Variants in CHADL observed in about 807,000 individuals in gnomAD.
CHADL encodes chondroadherin-like protein.
Under a neutral mutation model 52.1 loss-of-function variants are expected in CHADL, and 48 were observed. The observed-to-expected ratio is 0.92, with a 90% CI of 0.73 to 1.17. The LOEUF (loss-of-function observed/expected upper bound fraction) is 1.17. CHADL is among the 50% of genes most tolerant of loss of function. CHADL has a pLI of 0.00. For missense variants in CHADL, 977 were observed against 1,035.1 expected (o/e 0.94, Z 0.77); for synonymous variants, 498 against 511.2 (o/e 0.97, Z 0.35).
At position 41,236,539 on chromosome 22, in the gene CHADL, T is replaced by C; in HGVS notation, c.2008A>G (p.Ile670Val). ...TGGAAGGGATTGCTGCTGAGGTCGA[T>C]GAGCTCCAGCTGGCTGAGACTGGGC... ...ALPSLSQLEL[I>V]DLSSNPFHCD... Residue 670 changes from isoleucine to valine, a missense_variant, in exon 4 of 6, where the codon ATC (isoleucine) becomes GTC (valine). Ile to Val is a conservative substitution (Grantham distance 29, BLOSUM62 3). Transcript: ENST00000216241. 2 of 1,551,392 alleles carry C rather than the reference T, an allele frequency of 1.3e-6. No individual in the cohort carries two copies. Among genetic ancestry groups the C allele is most frequent in the Non-Finnish European group, 1.7e-6 (2 of 1,146,918 alleles).
Position 41,238,107 on chromosome 22 carries a change from A to C in CHADL, c.965T>G (p.Leu322Arg). 1 of 1,321,736 alleles carries C rather than the reference A, an allele frequency of 7.6e-7. No individual in the cohort carries two copies. The highest frequency in any genetic ancestry group is 9.6e-7 in the Non-Finnish European group (1 of 1,042,830). The allele number at this position is 1,321,736 out of a possible 1,614,324, so 81.9% of individuals were successfully genotyped here. Residue 322 changes from leucine (L) to arginine (R), a missense_variant, in exon 3 of 6, where the codon CTC (leucine) becomes CGC (arginine). By Grantham distance (102) the Leu-to-Arg change is moderately radical. Coordinates refer to ENST00000216241, the MANE Select transcript of CHADL (RefSeq NM_138481.2). The surrounding 1 kb of genome is among the most constrained non-coding windows in gnomAD (Gnocchi z 4.9). The part of the protein sequence containing the change: ...LWCGCQARPL[L>R]EWLARARVRS... ...CACGCGCGCCCGCGCCAGCCACTCG[A>C]GTAGGGGCCGCGCCTGGCAGCCGCA...
rs750555751 is a variant in CHADL at position 41,239,608 on chromosome 22, G to A, written c.21C>T (p.Ser7=). 1.2e-5 allele frequency: 18 copies of A among 1,531,586 alleles called. No homozygotes were observed. In the South Asian group the frequency reaches 2.1e-4, roughly 18 times the overall value. 94.9% of individuals were successfully genotyped at this position (1,531,586 alleles called of 1,614,324 possible). Residue 7 remains serine, a synonymous_variant, in exon 2 of 6, where the codon TCC becomes TCT. Transcript: ENST00000216241. ...GCGGCAGCACCAAGGGGACATGGGT[G>A]GAGCTCCGGGGCCTGGGACGGGGAG... The part of the protein sequence containing the change: MEGPRS[S]THVPLVLPLL...
chr22:41,236,730 C>T (rs2032747971), intron 3 of CHADL, 80 bp from the exon 4 acceptor site: 1 of 1,359,008 alleles, frequency 7.4e-7, no homozygotes, highest in Non-Finnish European at 9.8e-7. Context: ...GCCCCATCTT[C>T]CCTCAGCAGA....
intron 1 of CHADL, among the ~76,000 whole-genome samples, chr22:41,240,450 G>A (rs980972307): frequency 8.5e-5 from 13 of 152,070 alleles, no homozygotes; most frequent in South Asian, 2.1e-4. Flanking sequence ...GCTGTTCCCC[G>A]GCCCCCAGGA....
rs776280115 is a variant in CHADL at position 41,238,479 on chromosome 22, G to C, written c.593C>G (p.Ala198Gly). The change falls in exon 3 of 6, where the codon GCC becomes GGC. Residue 198 changes from alanine to glycine, a missense_variant. Transcript: ENST00000216241. The surrounding 1 kb of genome is among the most constrained non-coding windows in gnomAD (Gnocchi z 4.9). ...RLSHNALSVL[A>G]PEALAGLPAL... ...GGGCAGGCCAGCCAGGGCCTCGGGG[G>C]CCAGCACGCTGAGCGCGTTGTGCGA... 2.0e-6 allele frequency: 3 copies of C among 1,534,772 alleles called. No individual in the cohort carries two copies. In the African/African-American group the frequency reaches 4.1e-5, roughly 21 times the overall value.
chr22:41,232,129 G>C (rs563489739), intron 5 of CHADL, among the ~76,000 whole-genome samples: 46 of 151,698 alleles, frequency 3.0e-4, no homozygotes, highest in Middle Eastern at 3.4e-3. Flanking sequence ...TCAGGAGATC[G>C]AGACCATCCT....
Position 41,238,849 on chromosome 22 carries a change from T to C in CHADL, c.223A>G (p.Lys75Glu), listed in dbSNP as rs573783577. Residue 75 changes from lysine to glutamate, a missense_variant, in exon 3 of 6, where the codon AAG becomes GAG. Transcript: ENST00000216241. The surrounding 1 kb of genome is among the most constrained non-coding windows in gnomAD (Gnocchi z 4.9). Reference protein sequence around the residue: ...QRLDLQGNLLKVIPAAAFQGV... With the variant: ...QRLDLQGNLLEVIPAAAFQGV... ...TGGAAGGCGGCTGCGGGGATCACCT[T>C]CAGCAAATTGCCCTGCAGGTCCAGC... 1 of 1,544,012 alleles carries C rather than the reference T, an allele frequency of 6.5e-7. No homozygotes were observed. The highest frequency in any genetic ancestry group is 2.5e-5 in the East Asian group (1 of 40,734).
At chr22:41,237,092 G>T in intron 3 of CHADL, 84 bp downstream of exon 3, 1 of 1,374,368 alleles carries the variant, frequency 7.3e-7, no homozygotes, top group Non-Finnish European at 9.7e-7. Flanking sequence ...CCAAGGGGCT[G>T]GCAAATGCTT....
intron 1 of CHADL, 189 bp downstream of exon 1, chr22:41,240,685 T>G: frequency 1.6e-6 from 1 of 629,902 alleles, no homozygotes; most frequent in Non-Finnish European, 2.8e-6. Context: ...AGAGGACCAG[T>G]TCCTGGCAGT....
At position 41,236,695 on chromosome 22, in the gene CHADL, G is replaced by A. The variant is rs752104993; in HGVS notation, c.1897-45C>T. Reference sequence around the variant, plus strand: ...CCCAATGTGAGCTCCTGGCAGAGCTGTCCCACCCCCAAGTCTGGAAGGGAG... The same window carrying A: ...CCCAATGTGAGCTCCTGGCAGAGCTATCCCACCCCCAAGTCTGGAAGGGAG... On this transcript the variant is annotated intron_variant, in intron 3 of 5. Coordinates refer to ENST00000216241, the MANE Select transcript of CHADL (RefSeq NM_138481.2). 8.6e-5 allele frequency: 129 copies of A among 1,504,984 alleles called. No homozygotes were observed. The African/African-American group carries it at 1.6e-3, about 19-fold the overall frequency. 93.2% of individuals were successfully genotyped at this position (1,504,984 alleles called of 1,614,324 possible). A position where few individuals can be genotyped will look rare whatever the true frequency, so the allele number is the denominator to read the frequency against.
rs758093565 is a variant in CHADL, at chr22:41,235,196, C to G, written c.2211G>C (p.Arg737Ser). The change falls in exon 5 of 6, where the codon AGG becomes AGC. Residue 737 changes from arginine to serine, a missense_variant. Arg to Ser is a moderately radical substitution (Grantham distance 110). Coordinates refer to ENST00000216241, the MANE Select transcript of CHADL (RefSeq NM_138481.2). ...TGATGGGGGTTCTCCTGGCACTGGG[C>G]CTGGAGGCTGGTGTCCGCTTGGCCT... Reference protein sequence around the residue: ...ARKAKRTPASRPSARRTPIKG... With the variant: ...ARKAKRTPASSPSARRTPIKG... 5.3e-5 allele frequency: 83 copies of G among 1,551,448 alleles called. No individual in the cohort carries two copies. Among genetic ancestry groups the G allele is most frequent in the Non-Finnish European group, 6.9e-5 (79 of 1,147,016 alleles).
Position 41,239,581 on chromosome 22 carries a change from A to C in CHADL, c.48T>G (p.Leu16=). 1.9e-6 allele frequency: 3 copies of C among 1,547,152 alleles called. No individual in the cohort carries two copies. The highest frequency in any genetic ancestry group is 1.7e-6 in the Non-Finnish European group (2 of 1,145,168). The change falls in exon 2 of 6, where the codon CTT becomes CTG. Residue 16 remains leucine, a synonymous_variant. Coordinates refer to ENST00000216241, the MANE Select transcript of CHADL (RefSeq NM_138481.2). Reference sequence around the variant, plus strand: ...CCGGGGCCAGCAGCAGAAGTACAAGAAGCGGCAGCACCAAGGGGACATGGG... The same window carrying C: ...CCGGGGCCAGCAGCAGAAGTACAAGCAGCGGCAGCACCAAGGGGACATGGG... The part of the protein sequence containing the change: ...SSTHVPLVLP[L]LVLLLLAPAR...
Position 41,236,535 on chromosome 22 carries a change from T to A in CHADL, c.2012A>T (p.Asp671Val), listed in dbSNP as rs769583774. Residue 671 changes from aspartate to valine, a missense_variant, in exon 4 of 6, where the codon GAC (aspartate) becomes GTC (valine). Coordinates refer to ENST00000216241, the MANE Select transcript of CHADL (RefSeq NM_138481.2). ...LPSLSQLELIDLSSNPFHCDC... is the reference protein window; with the variant it reads ...LPSLSQLELIVLSSNPFHCDC... The stretch of plus-strand genomic sequence containing the variant: ...ACAGTGGAAGGGATTGCTGCTGAGG[T>A]CGATGAGCTCCAGCTGGCTGAGACT... 5.8e-6 allele frequency: 9 copies of A among 1,551,212 alleles called. No individual in the cohort carries two copies. Among genetic ancestry groups the A allele is most frequent in the Non-Finnish European group, 7.8e-6 (9 of 1,146,858 alleles).
chr22:41,239,626 ACGGGGAGGGAGAG>A lies in CHADL; in HGVS notation c.9-19_9-7del. ...CATGGGTGGAGCTCCGGGGCCTGGGACGGGGAGGGAGAGTCTGTTGTGCACAAGGGCCGAGGCC... is the reference window on the plus strand; with the variant it reads ...CATGGGTGGAGCTCCGGGGCCTGGGATCTGTTGTGCACAAGGGCCGAGGCC... On this transcript the variant is annotated splice_region_variant and splice_polypyrimidine_tract_variant and intron_variant, in intron 1 of 5. Coordinates refer to ENST00000216241, the MANE Select transcript of CHADL (RefSeq NM_138481.2). 1.3e-6 allele frequency: 2 copies of A among 1,523,648 alleles called. 1 individual carries two copies. The allele number at this position is 1,523,648 out of a possible 1,614,324, so 94.4% of individuals were successfully genotyped here.
intron 5 of CHADL, 111 bp downstream of exon 5, chr22:41,235,034 T>C (rs2032712764): frequency 8.6e-7 from 1 of 1,157,098 alleles, no homozygotes; most frequent in African/African-American, 1.5e-5. Context: ...ATTGCCCAGC[T>C]CTGGAACCAC....
rs1406510605 is a variant in CHADL at position 41,238,614 on chromosome 22, G to A, written c.458C>T (p.Thr153Met). 3 of 1,544,400 alleles carry A rather than the reference G, an allele frequency of 1.9e-6. No homozygotes were observed. The highest frequency in any genetic ancestry group is 2.6e-6 in the Non-Finnish European group (3 of 1,146,506). ...GNALEELRPG[T>M]FGALGALATL... The stretch of plus-strand genomic sequence containing the variant: ...GGCCAGCGCACCCAGTGCCCCGAAC[G>A]TCCCCGGCCGCAGCTCCTCCAGTGC... Residue 153 changes from threonine to methionine, a missense_variant, in exon 3 of 6, where the codon ACG (threonine) becomes ATG (methionine). By Grantham distance (81) the Thr-to-Met change is moderately conservative (BLOSUM62 -1). Coordinates refer to ENST00000216241, the MANE Select transcript of CHADL (RefSeq NM_138481.2). The surrounding 1 kb of genome is among the most constrained non-coding windows in gnomAD (Gnocchi z 4.9).
In CHADL at chr22:41,237,278, C is replaced by A; in HGVS notation, c.1794G>T (p.Leu598=). 9 of 1,550,598 alleles carry A rather than the reference C, an allele frequency of 5.8e-6. No homozygotes were observed. The highest frequency in any genetic ancestry group is 7.8e-6 in the Non-Finnish European group (9 of 1,146,948). The change falls in exon 3 of 6, where the codon CTG becomes CTT. Residue 598 remains leucine (L), a synonymous_variant. Transcript: ENST00000216241. ...ALEGLPALLE[L]QLSGNPLRAL... is the part of the protein sequence containing the mutation. The stretch of plus-strand genomic sequence containing the variant: ...CCCTGAGTGGGTTGCCCGAGAGCTG[C>A]AGCTCCAGGAGGGCAGGCAGCCCCT...
intron 5 of CHADL, chr22:41,230,394 G>A (rs538527163): frequency 6.0e-6 from 4 of 661,652 alleles, no homozygotes; most frequent in South Asian, 3.7e-5. Context: ...GCTGGACGGT[G>A]GAGGACCTGC....
chr22:41,236,264 T>C (rs1313236255), intron 4 of CHADL, among the ~76,000 whole-genome samples: 5 of 152,216 alleles, frequency 3.3e-5, no homozygotes, highest in African/African-American at 1.2e-4. Flanking sequence ...GCCCACTTTA[T>C]GGATGATGAA....
Sources: allele counts gnomAD v4.1 joint callset (sites outside exome capture counted in the v4.1 genomes callset), GRCh38; gene constraint gnomAD v4.1.1; non-coding constraint Gnocchi (gnomAD v3.1); transcripts MANE v1.5; gene names NCBI Gene and HGNC (gene_info 2026-07-23, HGNC 2026-07-21).